The following GALNT3 variants were observed in gnomAD, a reference collection of about 807,000 sequenced individuals.
GALNT3 encodes the protein GalNAc transferase 3.
Under a neutral mutation model 69.8 loss-of-function variants are expected in GALNT3, and 51 were observed. The observed-to-expected ratio is 0.73, with a 90% CI of 0.58 to 0.92. The LOEUF is 0.92. Among genes scored for constraint, GALNT3 ranks in the 40% least tolerant of loss-of-function variants. The pLI is 0.00. For missense variants in GALNT3, 711 were observed against 760.0 expected (o/e 0.94, Z 0.76); for synonymous variants, 265 against 248.5 (o/e 1.07, Z -0.63).
At chr2:165,754,065 T>C (rs1688400223) in intron 9 of GALNT3, among the ~76,000 whole-genome samples, 1 of 151,826 alleles carries the variant, frequency 6.6e-6, no homozygotes, top group Admixed American at 6.6e-5. Flanking sequence ...TCTATTATTT[T>C]CTCATTTTCC....
chr2:165,790,447 TACTA>T (rs371179167), intron 1 of GALNT3, among the ~76,000 whole-genome samples: 402 of 152,302 alleles, frequency 2.6e-3, no homozygotes, highest in African/African-American at 9.4e-3. Context: ...ATTATTTTGA[TACTA>T]ACTAAATGCA....
At chr2:165,761,630 G>T in intron 4 of GALNT3, 8 of 480,478 alleles carry the variant, frequency 1.7e-5, no homozygotes, top group Admixed American at 7.4e-5. Context: ...AAAAAAAAAA[G>T]AGGCAAGGAT....
In GALNT3 at chr2:165,782,201, C is replaced by A. The variant is rs1022843972; in HGVS notation, c.-108-11393G>T. On this transcript the variant is annotated intron_variant, in intron 1 of 10. Transcript: ENST00000392701. The stretch of plus-strand genomic sequence containing the variant: ...TATGTTATTACTTCTGATTTACTAT[C>A]TTTGAAGAAAGGGGAAATTCTAAAG... Among the ~76,000 whole-genome samples, 6 of 152,086 alleles carry A rather than the reference C, an allele frequency of 3.9e-5. No homozygotes were observed. In the South Asian group the frequency reaches 6.2e-4, roughly 16 times the overall value.
chr2:165,750,885 C>G (rs1428504305), intron 9 of GALNT3, among the ~76,000 whole-genome samples: 1 of 152,124 alleles, frequency 6.6e-6, no homozygotes, highest in Non-Finnish European at 1.5e-5. Context: ...ACACTTTTGA[C>G]CCTTTTCTGC....
intron 1 of GALNT3, among the ~76,000 whole-genome samples, chr2:165,781,187 G>T (rs1026830985): frequency 5.3e-5 from 8 of 152,116 alleles, no homozygotes; most frequent in African/African-American, 1.9e-4. Context: ...GTACTGCTGG[G>T]CTTGCTGCAG....
chr2:165,749,931 C>A, intron 9 of GALNT3, 37 bp from the exon 10 acceptor site: 1 of 1,598,184 alleles, frequency 6.3e-7, no homozygotes, highest in Non-Finnish European at 8.6e-7. Context: ...ACAAAAGCAA[C>A]CCATGTGCTC....
Position 165,770,373 on chromosome 2 carries a change from C to T in GALNT3, c.328G>A (p.Val110Ile). Residue 110 changes from valine to isoleucine, a missense_variant, in exon 2 of 11, where the codon GTC becomes ATC. Transcript: ENST00000392701. ...GYYTAAELKP[V>I]LDRPPQDSNA... ...GAATCCTGAGGTGGACGGTCAAGGA[C>T]AGGCTTCAATTCTGCTGCTGTATAA... 2 of 1,614,184 alleles carry T rather than the reference C, an allele frequency of 1.2e-6. No homozygotes were observed. The highest frequency in any genetic ancestry group is 8.5e-7 in the Non-Finnish European group (1 of 1,180,040).
Position 165,749,865 on chromosome 2 carries a change from A to T in GALNT3, c.1656T>A (p.Ile552=). ...QYFEYSAQHE[I]RHNIQKELCL... ...ATAATTCCTTCTGGATGTTGTGCCG[A>T]ATTTCATGTTGAGCAGAGTATTCAA... The change falls in exon 10 of 11, where the codon ATT becomes ATA. Residue 552 remains isoleucine, a synonymous_variant. Coordinates refer to ENST00000392701, the MANE Select transcript of GALNT3 (RefSeq NM_004482.4). 2 of 1,613,676 alleles carry T rather than the reference A, an allele frequency of 1.2e-6. No individual in the cohort carries two copies. Among genetic ancestry groups the T allele is most frequent in the Non-Finnish European group, 1.7e-6 (2 of 1,179,634 alleles).
At position 165,758,884 on chromosome 2, in the gene GALNT3, C is replaced by A; in HGVS notation, c.1074-20G>T. 2 of 1,435,812 alleles carry A rather than the reference C, an allele frequency of 1.4e-6. No individual in the cohort carries two copies. Among genetic ancestry groups the A allele is most frequent in the South Asian group, 2.3e-5 (2 of 87,228 alleles). The allele number at this position is 1,435,812 out of a possible 1,614,324, so 88.9% of individuals were successfully genotyped here. A position where few individuals can be genotyped will look rare whatever the true frequency, so the allele number is the denominator to read the frequency against. ...GGTGTTCTGAAAAATAATCCATTGT[C>A]AAATTTTGTTATAAAAACTAAACAA... On this transcript the variant is annotated intron_variant, in intron 5 of 10. Transcript: ENST00000392701.
At chr2:165,776,944 G>C (rs1682966500) in intron 1 of GALNT3, among the ~76,000 whole-genome samples, 1 of 152,134 alleles carries the variant, frequency 6.6e-6, no homozygotes, top group Non-Finnish European at 1.5e-5. Flanking sequence ...AAAATATCAA[G>C]GTAAGATCCA....
At chr2:165,768,439 A>G (rs16851007) in intron 2 of GALNT3, among the ~76,000 whole-genome samples, 3,712 of 152,192 alleles carry the variant, frequency 0.024, 171 homozygotes, top group African/African-American at 0.084. Flanking sequence ...AAAGTGCAAT[A>G]CTGCATTCTA....
intron 2 of GALNT3, among the ~76,000 whole-genome samples, 161 bp from the exon 3 acceptor site, chr2:165,765,217 T>C (rs1424779753): frequency 2.0e-5 from 3 of 152,142 alleles, no homozygotes; most frequent in African/African-American, 7.2e-5. Flanking sequence ...TGTAAATAAA[T>C]CAAAACAATT....
intron 1 of GALNT3, among the ~76,000 whole-genome samples, chr2:165,783,599 T>G (rs1683159053): frequency 6.6e-6 from 1 of 152,180 alleles, no homozygotes; most frequent in Non-Finnish European, 1.5e-5. Flanking sequence ...TTTGCTTTGC[T>G]GGCCATATGG....
chr2:165,780,986 A>C (rs561420486), intron 1 of GALNT3, among the ~76,000 whole-genome samples: 146 of 152,322 alleles, frequency 9.6e-4, no homozygotes, highest in African/African-American at 3.3e-3. Flanking sequence ...ACCTAGTAGC[A>C]AGTCAGAAGG....
intron 4 of GALNT3, among the ~76,000 whole-genome samples, chr2:165,761,505 C>A (rs1366293770): frequency 6.6e-6 from 1 of 152,028 alleles, no homozygotes; most frequent in Non-Finnish European, 1.5e-5. Context: ...AGCCACCACG[C>A]CCGGCTACAT....
intron 1 of GALNT3, among the ~76,000 whole-genome samples, chr2:165,786,531 C>A (rs1023021778): frequency 3.9e-5 from 6 of 152,168 alleles, no homozygotes; most frequent in African/African-American, 1.2e-4. Flanking sequence ...TACTTTAAAT[C>A]ATCTCTAGAT....
intron 6 of GALNT3, among the ~76,000 whole-genome samples, chr2:165,757,699 T>C (rs993959155): frequency 1.3e-5 from 2 of 152,190 alleles, no homozygotes; most frequent in Admixed American, 6.5e-5. Context: ...TTCAATTTTG[T>C]AACCAAGAAA....
At position 165,770,387 on chromosome 2, in the gene GALNT3, G is replaced by A. The variant is rs976250315; in HGVS notation, c.314C>T (p.Ala105Val). 6.8e-6 allele frequency: 11 copies of A among 1,614,054 alleles called. No individual in the cohort carries two copies. Among genetic ancestry groups the A allele is most frequent in the Non-Finnish European group, 9.3e-6 (11 of 1,180,052 alleles). The change falls in exon 2 of 11, where the codon GCA becomes GTA. Residue 105 changes from alanine to valine, a missense_variant. Coordinates refer to ENST00000392701, the MANE Select transcript of GALNT3 (RefSeq NM_004482.4). The part of the protein sequence containing the change: ...RPCLQGYYTA[A>V]ELKPVLDRPP... ...ACGGTCAAGGACAGGCTTCAATTCT[G>A]CTGCTGTATAATATCCTTGCAAACA...
At chr2:165,776,853 G>A (rs972533983) in intron 1 of GALNT3, among the ~76,000 whole-genome samples, 1 of 152,134 alleles carries the variant, frequency 6.6e-6, no homozygotes, top group Non-Finnish European at 1.5e-5. Context: ...GTAGCTTCCA[G>A]TTATCTAGAC....
Sources: allele counts gnomAD v4.1 joint callset (sites outside exome capture counted in the v4.1 genomes callset), GRCh38; gene constraint gnomAD v4.1.1; transcripts MANE v1.5; gene names NCBI Gene and HGNC (gene_info 2026-07-23, HGNC 2026-07-21).